IFT80: variants seen among roughly 807,000 people sequenced by gnomAD.
IFT80 encodes the protein intraflagellar transport 80.
IFT80 carries 79 observed loss-of-function variants against 107.9 expected under a neutral mutation model. The observed-to-expected ratio is 0.73, with a 90% CI of 0.61 to 0.88. IFT80 has a LOEUF of 0.88. Ranked by LOEUF, IFT80 falls within the 40% of genes least tolerant of loss-of-function variation. The pLI, the probability that IFT80 is intolerant of heterozygous loss-of-function variation, is 0.00. For synonymous variants in IFT80, 299 were observed against 300.9 expected (o/e 0.99, Z 0.07); for missense variants, 797 against 914.2 (o/e 0.87, Z 1.65).
chr3:160,295,813 T>C (rs1482672765), intron 12 of IFT80, among the ~76,000 whole-genome samples: 1 of 152,136 alleles, frequency 6.6e-6, no homozygotes, highest in Admixed American at 6.5e-5. Context: ...TTATTATTAG[T>C]CTTCAAAGAA....
In IFT80 at chr3:160,381,492, T is replaced by C; in HGVS notation, c.259+11A>G. 6.3e-7 allele frequency: 1 copy of C among 1,595,858 alleles called. No individual in the cohort carries two copies. The highest frequency in any genetic ancestry group is 8.6e-7 in the Non-Finnish European group (1 of 1,163,558). On this transcript the variant is annotated intron_variant, in intron 3 of 19. Transcript: ENST00000326448. ...ACAATGGCGAGCATATAATGTTTAT[T>C]TAAAACTTACCATCAGAACTTGTGA...
intron 12 of IFT80, among the ~76,000 whole-genome samples, chr3:160,297,880 G>A (rs1385780846): frequency 6.6e-6 from 1 of 152,046 alleles, no homozygotes; most frequent in African/African-American, 2.4e-5. Flanking sequence ...TGGGAGGCTG[G>A]TCCTGTTTTT....
At chr3:160,373,119 G>A (rs946406708) in intron 5 of IFT80, among the ~76,000 whole-genome samples, 5 of 152,204 alleles carry the variant, frequency 3.3e-5, no homozygotes, top group African/African-American at 9.6e-5. Context: ...TGTTGCCCAG[G>A]CTGGTCTCAA....
chr3:160,384,673 T>C, intron 1 of IFT80, 27 bp from the exon 2 acceptor site: 1 of 1,542,918 alleles, frequency 6.5e-7, no homozygotes. Context: ...AGAGAAAATA[T>C]AAAGTCAGCA....
At chr3:160,380,970 C>G (rs1712446264) in intron 3 of IFT80, among the ~76,000 whole-genome samples, 1 of 152,040 alleles carries the variant, frequency 6.6e-6, no homozygotes, top group East Asian at 1.9e-4. Context: ...CATGGTGGCT[C>G]ATACCTGTAA....
At chr3:160,322,850 G>A (rs1718356520) in intron 8 of IFT80, among the ~76,000 whole-genome samples, 1 of 152,128 alleles carries the variant, frequency 6.6e-6, no homozygotes, top group South Asian at 2.1e-4. Flanking sequence ...AGAAGTGTCT[G>A]TTCATATCCT....
intron 4 of IFT80, among the ~76,000 whole-genome samples, chr3:160,376,433 G>A (rs1712031553): frequency 6.6e-6 from 1 of 152,160 alleles, no homozygotes; most frequent in Non-Finnish European, 1.5e-5. Context: ...ATATTTACAT[G>A]CTGACAAACC....
chr3:160,318,668 T>C (rs538091930), intron 9 of IFT80, among the ~76,000 whole-genome samples: 23 of 152,184 alleles, frequency 1.5e-4, no homozygotes, highest in African/African-American at 5.5e-4. Flanking sequence ...CCGAACCTTC[T>C]TGTATTAATC....
At chr3:160,291,531 C>T (rs1715556610) in intron 12 of IFT80, among the ~76,000 whole-genome samples, 1 of 152,198 alleles carries the variant, frequency 6.6e-6, no homozygotes, top group African/African-American at 2.4e-5. Flanking sequence ...CAAATAGCTG[C>T]TTGGTTTATG....
At chr3:160,355,431 T>C (rs74469045) in intron 8 of IFT80, among the ~76,000 whole-genome samples, 1 of 151,982 alleles carries the variant, frequency 6.6e-6, no homozygotes, top group African/African-American at 2.4e-5. Context: ...CAATTTTTTT[T>C]ATACAGACAG....
In IFT80 at chr3:160,383,719, G is replaced by A. The variant is rs1050763832; in HGVS notation, c.37+845C>T. On this transcript the variant is annotated intron_variant, in intron 2 of 19. Transcript: ENST00000326448. ...TAAATGTCTAAGAATGATGATAGTGGGGCCTGTCATATCTCCTTGACACAT... is the reference window on the plus strand; with the variant it reads ...TAAATGTCTAAGAATGATGATAGTGAGGCCTGTCATATCTCCTTGACACAT... 4.9e-5 allele frequency: 48 copies of A among 985,094 alleles called. No individual in the cohort carries two copies. In the African/African-American group the frequency reaches 7.7e-4, roughly 16 times the overall value. The allele number at this position is 985,094 out of a possible 1,614,324, so 61.0% of individuals were successfully genotyped here.
intron 8 of IFT80, among the ~76,000 whole-genome samples, chr3:160,328,461 CAAA>C (rs1236379581): frequency 2.5e-3 from 121 of 47,880 alleles, no homozygotes; most frequent in South Asian, 8.6e-3. Flanking sequence ...GACTCCATCT[CAAA>C]AAAAAAAAAA....
At position 160,366,069 on chromosome 3, in the gene IFT80, G is replaced by C. The variant is rs1721839335; in HGVS notation, c.523C>G (p.Leu175Val). The C allele has an allele frequency of 6.2e-7, 1 of 1,612,472 alleles. No individual in the cohort carries two copies. Residue 175 changes from leucine (L) to valine (V), a missense_variant, in exon 6 of 20, where the codon CTT becomes GTT. Coordinates refer to ENST00000326448, the MANE Select transcript of IFT80 (RefSeq NM_020800.3). The stretch of plus-strand genomic sequence containing the variant: ...TGCAAAACTTTAGCATTTGGTTGAA[G>C]AGGTTTAATGATTAGCTGCTTGCCT... ...TAGKQLIIKP[L>V]QPNAKVLQWK...
At chr3:160,344,287 A>G (rs1455856453) in intron 8 of IFT80, among the ~76,000 whole-genome samples, 1 of 152,056 alleles carries the variant, frequency 6.6e-6, no homozygotes, top group East Asian at 1.9e-4. Flanking sequence ...ATTTGTTCAG[A>G]CTGTGATCTG....
chr3:160,279,081 T>C, intron 16 of IFT80, 112 bp downstream of exon 16: 9 of 784,748 alleles, frequency 1.1e-5, no homozygotes, highest in Non-Finnish European at 1.5e-5. Context: ...AAAAAAGACA[T>C]GATCTTATTC....
At position 160,307,700 on chromosome 3, in the gene IFT80, A is replaced by T; in HGVS notation, c.1039T>A (p.Leu347Ile). ...VIKASLNYAH[L>I]VVSTSLQCYV... The stretch of plus-strand genomic sequence containing the variant: ...CATTGAAGAGACGTTGAAACAACTA[A>T]GTGTGCATAGTTCAAAGATGCTTTA... Residue 347 changes from leucine to isoleucine, a missense_variant, in exon 10 of 20, where the codon TTA becomes ATA. Coordinates refer to ENST00000326448, the MANE Select transcript of IFT80 (RefSeq NM_020800.3). 1 of 1,594,842 alleles carries T rather than the reference A, an allele frequency of 6.3e-7. No homozygotes were observed.
chr3:160,273,682 T>C (rs2178746), intron 18 of IFT80, among the ~76,000 whole-genome samples: 141,207 of 152,270 alleles, frequency 0.93, 65,603 homozygotes, highest in East Asian at 1. Flanking sequence ...GTTAAGTAGG[T>C]AGTTGGAGAA....
At chr3:160,328,219 C>T (rs985113360) in intron 8 of IFT80, among the ~76,000 whole-genome samples, 1 of 151,836 alleles carries the variant, frequency 6.6e-6, no homozygotes, top group Non-Finnish European at 1.5e-5. Flanking sequence ...CCCAGCACTT[C>T]GGGAGCCTGA....
intron 8 of IFT80, among the ~76,000 whole-genome samples, chr3:160,320,509 A>G (rs1310540974): frequency 6.6e-6 from 1 of 151,898 alleles, no homozygotes; most frequent in African/African-American, 2.4e-5. Context: ...ATCTAGAGAT[A>G]TCAATAAGCA....
Sources: allele counts gnomAD v4.1 joint callset (sites outside exome capture counted in the v4.1 genomes callset), GRCh38; gene constraint gnomAD v4.1.1; transcripts MANE v1.5; gene names NCBI Gene and HGNC (gene_info 2026-07-23, HGNC 2026-07-21).